Variants in GRID1 observed in about 807,000 individuals in gnomAD.
The protein encoded by GRID1 is glutamate receptor ionotropic, delta-1.
A neutral mutation model predicts 98.0 loss-of-function variants in GRID1; 28 were observed. The ratio of observed to expected loss-of-function variants is 0.29; its 90% CI spans 0.21 to 0.39. The LOEUF (loss-of-function observed/expected upper bound fraction) is 0.39. Ranked by LOEUF, GRID1 falls within the 10% of genes least tolerant of loss-of-function variation. The probability of loss-of-function intolerance (pLI) is 1.00; values close to 1 mark genes in which losing one functional copy is unlikely to be tolerated. For missense variants in GRID1, 1,111 were observed against 1,340.5 expected, an observed-to-expected ratio of 0.83 and a Z score of 2.67; for synonymous variants, 553 against 538.5, an observed-to-expected ratio of 1.03 and a Z score of -0.37.
chr10:86,340,248 C>T lies in GRID1; in HGVS notation c.235+23693G>A, dbSNP rs571397596. On this transcript the variant is annotated intron_variant, in intron 2 of 15. Coordinates refer to ENST00000327946, the MANE Select transcript of GRID1 (RefSeq NM_017551.3). Reference sequence around the variant, plus strand: ...TGCGGGGATGAAATGAGGAGAGATGCATAGCAAGCAAAGCCCCGAACCACC... The same window carrying T: ...TGCGGGGATGAAATGAGGAGAGATGTATAGCAAGCAAAGCCCCGAACCACC... Among the ~76,000 whole-genome samples, 5 of 152,270 alleles carry T rather than the reference C, an allele frequency of 3.3e-5. No individual in the cohort carries two copies. The East Asian group carries it at 9.7e-4, about 29-fold the overall frequency.
chr10:85,820,019 A>AAGGC (rs1564600183), intron 8 of GRID1, among the ~76,000 whole-genome samples: 1 of 112,818 alleles, frequency 8.9e-6, no homozygotes, highest in Non-Finnish European at 1.7e-5. Context: ...GGAAGGAAGG[A>AAGGC]AGGAAGGAAG....
At position 85,822,751 on chromosome 10, in the gene GRID1, C is replaced by A. The variant is rs531939087; in HGVS notation, c.1233+31745G>T. ...GACACATGCACACGTATGTTTATTG[C>A]GGCACTATTCACAATAGCAAAGACT... On this transcript the variant is annotated intron_variant, in intron 8 of 15. Coordinates refer to ENST00000327946, the MANE Select transcript of GRID1 (RefSeq NM_017551.3). Among the ~76,000 whole-genome samples, 984 of 152,134 alleles carry A rather than the reference C, an allele frequency of 6.5e-3. 9 individuals are homozygous for A. The highest frequency in any genetic ancestry group is 0.021 in the African/African-American group (859 of 41,500).
At chr10:86,168,674 G>A (rs979946662) in intron 3 of GRID1, among the ~76,000 whole-genome samples, 3 of 152,218 alleles carry the variant, frequency 2.0e-5, no homozygotes, top group South Asian at 2.1e-4. Flanking sequence ...GGTGAGTAAG[G>A]CTGGCAGGGA....
At chr10:86,131,438 G>T (rs1028114245) in intron 4 of GRID1, among the ~76,000 whole-genome samples, 2 of 152,196 alleles carry the variant, frequency 1.3e-5, no homozygotes, top group Non-Finnish European at 2.9e-5. Flanking sequence ...TAGATACTCT[G>T]CAGGGAGGAG....
At chr10:85,620,489 T>C (rs1292254064) in intron 13 of GRID1, among the ~76,000 whole-genome samples, 1 of 152,184 alleles carries the variant, frequency 6.6e-6, no homozygotes, top group Non-Finnish European at 1.5e-5. Context: ...CCCACTGATA[T>C]TTCTACTTAG....
chr10:86,290,948 G>A (rs770735793), intron 2 of GRID1, among the ~76,000 whole-genome samples: 12 of 152,178 alleles, frequency 7.9e-5, no homozygotes, highest in East Asian at 1.9e-4. Context: ...GAGAGGAAGC[G>A]GCCCAGGGCA....
At position 85,603,311 on chromosome 10, in the gene GRID1, G is replaced by A. The variant is rs552960677; in HGVS notation, c.2602-610C>T. On this transcript the variant is annotated intron_variant, in intron 15 of 15. Transcript: ENST00000327946. The stretch of plus-strand genomic sequence containing the variant: ...GCAATCTCTTCAGGCAGCCCAAGGA[G>A]GGGGACATATCCCTGTCTGGAAGGG... Among the ~76,000 whole-genome samples the A allele has an allele frequency of 2.6e-5, 4 of 152,266 alleles. No homozygotes were observed. In the South Asian group the frequency reaches 8.3e-4, roughly 32 times the overall value.
At chr10:85,924,084 G>A (rs1841743390) in intron 4 of GRID1, among the ~76,000 whole-genome samples, 1 of 152,184 alleles carries the variant, frequency 6.6e-6, no homozygotes, top group Admixed American at 6.5e-5. Context: ...CTGGCAGACA[G>A]TGAACTTCAA....
At chr10:85,613,366 C>A in intron 15 of GRID1, 41 bp downstream of exon 15, 2 of 1,587,656 alleles carry the variant, frequency 1.3e-6, no homozygotes, top group South Asian at 2.3e-5. Context: ...ACACTCCTGC[C>A]TCTAGGCTGT....
At chr10:86,238,618 C>T (rs557609884) in intron 2 of GRID1, among the ~76,000 whole-genome samples, 160 of 145,164 alleles carry the variant, frequency 1.1e-3, no homozygotes, top group Middle Eastern at 7.5e-3. Flanking sequence ...TGCAGTGAGC[C>T]GAGACTGCAC....
At chr10:86,055,773 A>G (rs1843564215) in intron 4 of GRID1, among the ~76,000 whole-genome samples, 1 of 151,748 alleles carries the variant, frequency 6.6e-6, no homozygotes, top group Admixed American at 6.6e-5. Context: ...GGAGAAGGAG[A>G]AGGAGAAGAA....
At chr10:86,119,505 C>T (rs1464005697) in intron 4 of GRID1, among the ~76,000 whole-genome samples, 1 of 152,132 alleles carries the variant, frequency 6.6e-6, no homozygotes, top group Non-Finnish European at 1.5e-5. Flanking sequence ...ATAGTATCTT[C>T]ATAATGATCC....
intron 2 of GRID1, among the ~76,000 whole-genome samples, chr10:86,308,837 C>T (rs1339481221): frequency 2.6e-5 from 4 of 152,236 alleles, no homozygotes; most frequent in East Asian, 3.9e-4. Flanking sequence ...TACCTCACTT[C>T]GGTAACAACT....
intron 2 of GRID1, among the ~76,000 whole-genome samples, chr10:86,299,556 A>T (rs1847651484): frequency 6.6e-6 from 1 of 151,238 alleles, no homozygotes; most frequent in African/African-American, 2.4e-5. Context: ...TCAGCAAACT[A>T]TCTCAAGGAC....
intron 2 of GRID1, among the ~76,000 whole-genome samples, chr10:86,342,419 C>G (rs1041694493): frequency 6.6e-6 from 1 of 152,224 alleles, no homozygotes; most frequent in Non-Finnish European, 1.5e-5. Flanking sequence ...CAGCTCCTTT[C>G]CCAGTACACA....
At chr10:85,726,017 A>G (rs1262821587) in intron 10 of GRID1, among the ~76,000 whole-genome samples, 1 of 152,200 alleles carries the variant, frequency 6.6e-6, no homozygotes, top group Non-Finnish European at 1.5e-5. Context: ...AAGGGAAACT[A>G]ATTTATGAAG....
intron 10 of GRID1, among the ~76,000 whole-genome samples, chr10:85,727,063 G>A (rs867794634): frequency 6.6e-6 from 1 of 152,194 alleles, no homozygotes; most frequent in African/African-American, 2.4e-5. Context: ...ACAACTTGTT[G>A]TGGTCATGCA....
chr10:85,863,449 T>C (rs1029005921), intron 6 of GRID1, among the ~76,000 whole-genome samples: 5 of 152,130 alleles, frequency 3.3e-5, no homozygotes, highest in East Asian at 1.9e-4. Flanking sequence ...ATCCAGACCA[T>C]AGTGGATGTC....
chr10:85,639,748 C>T lies in GRID1; in HGVS notation c.2193+7454G>A, dbSNP rs368858873. Among the ~76,000 whole-genome samples, 8 of 152,238 alleles carry T rather than the reference C, an allele frequency of 5.3e-5. No individual in the cohort carries two copies. In the East Asian group the frequency reaches 1.4e-3, roughly 26 times the overall value. ...ATTAGCTGGGCATGGTGGCACATGC[C>T]TGTAATCCCCGCTACTTGGGAGGCT... On this transcript the variant is annotated intron_variant, in intron 13 of 15. Transcript: ENST00000327946.
Sources: allele counts gnomAD v4.1 joint callset (sites outside exome capture counted in the v4.1 genomes callset), GRCh38; gene constraint gnomAD v4.1.1; transcripts MANE v1.5; gene names NCBI Gene and HGNC (gene_info 2026-07-23, HGNC 2026-07-21).